The following PRKCE variants were observed in gnomAD, a reference collection of about 807,000 sequenced individuals.
PRKCE encodes protein kinase C epsilon, also known as protein kinase C epsilon type.
Under a neutral mutation model 85.4 loss-of-function variants are expected in PRKCE, and 16 were observed. The observed-to-expected ratio is 0.19, with a 90% CI of 0.13 to 0.28. PRKCE has a LOEUF of 0.28. PRKCE is among the 10% of genes least tolerant of loss of function. The pLI is 1.00. For synonymous variants in PRKCE, 388 were observed against 371.5 expected (o/e 1.04, Z -0.51); for missense variants, 573 against 975.2 (o/e 0.59, Z 5.49).
At chr2:45,803,225 G>A (rs142099767) in intron 1 of PRKCE, among the ~76,000 whole-genome samples, 3 of 152,334 alleles carry the variant, frequency 2.0e-5, no homozygotes, top group African/African-American at 7.2e-5. Context: ...ACAAGATTTG[G>A]TCTATACCTA....
At chr2:45,855,171 G>A (rs1456044517) in intron 2 of PRKCE, among the ~76,000 whole-genome samples, 1 of 152,134 alleles carries the variant, frequency 6.6e-6, no homozygotes, top group Non-Finnish European at 1.5e-5. Flanking sequence ...ATGATCTTTT[G>A]TAAGATCTGG....
At chr2:46,034,649 A>G (rs188533108) in intron 10 of PRKCE, among the ~76,000 whole-genome samples, 13 of 152,312 alleles carry the variant, frequency 8.5e-5, no homozygotes, top group Admixed American at 7.8e-4. Context: ...CGCCGAGGCC[A>G]TGGGCTTAGG....
At chr2:45,918,042 C>T (rs1022040378) in intron 2 of PRKCE, among the ~76,000 whole-genome samples, 4 of 152,242 alleles carry the variant, frequency 2.6e-5, no homozygotes, top group South Asian at 2.1e-4. Flanking sequence ...CCCCGGTTCC[C>T]GCTGGCGCCT....
intron 2 of PRKCE, among the ~76,000 whole-genome samples, chr2:45,923,403 G>C (rs1253825105): frequency 6.6e-6 from 1 of 152,228 alleles, no homozygotes; most frequent in Non-Finnish European, 1.5e-5. Flanking sequence ...AACTGCCTGA[G>C]GCTCACAGGG....
intron 6 of PRKCE, among the ~76,000 whole-genome samples, chr2:45,989,109 C>G (rs954890303): frequency 6.6e-6 from 1 of 152,218 alleles, no homozygotes; most frequent in Non-Finnish European, 1.5e-5. Context: ...CCTGACGGAG[C>G]CTGCAGTTGG....
At chr2:45,909,410 C>CT (rs11386972) in intron 2 of PRKCE, among the ~76,000 whole-genome samples, 38,513 of 152,110 alleles carry the variant, frequency 0.25, 5,839 homozygotes, top group South Asian at 0.37. Flanking sequence ...GCATCATAAT[C>CT]TCCCCCATCC....
intron 1 of PRKCE, among the ~76,000 whole-genome samples, chr2:45,820,304 A>C (rs1340785660): frequency 1.3e-5 from 2 of 152,196 alleles, no homozygotes; most frequent in African/African-American, 2.4e-5. Context: ...AGGGACCAGC[A>C]AGAAGGATAC....
chr2:46,163,538 T>A (rs1343660231), intron 14 of PRKCE, among the ~76,000 whole-genome samples: 179 of 56,382 alleles, frequency 3.2e-3, no homozygotes, highest in Non-Finnish European at 3.7e-3. Flanking sequence ...GCTGAGGCAC[T>A]CCCCACAGAG....
chr2:45,835,834 A>C (rs922772865), intron 1 of PRKCE, among the ~76,000 whole-genome samples: 1 of 152,070 alleles, frequency 6.6e-6, no homozygotes, highest in African/African-American at 2.4e-5. Flanking sequence ...GCTTGAAGCG[A>C]TCCTCCTGCC....
intron 1 of PRKCE, among the ~76,000 whole-genome samples, chr2:45,668,074 C>CT (rs1165654761): frequency 1.3e-5 from 2 of 152,168 alleles, no homozygotes; most frequent in African/African-American, 4.8e-5. Flanking sequence ...GGCACGGTGG[C>CT]TTATGTCTGG....
chr2:45,730,193 G>T (rs986874289), intron 1 of PRKCE, among the ~76,000 whole-genome samples: 6 of 152,114 alleles, frequency 3.9e-5, no homozygotes, highest in Admixed American at 1.3e-4. Context: ...ACAGGGTTCC[G>T]CTCTGTCACC....
chr2:46,038,641 A>G (rs1354090443), intron 10 of PRKCE, among the ~76,000 whole-genome samples: 1 of 146,158 alleles, frequency 6.8e-6, no homozygotes, highest in Non-Finnish European at 1.5e-5. Flanking sequence ...ATTAAGGCAT[A>G]GTAACAACTT....
At chr2:46,154,416 T>C (rs1161821733) in intron 13 of PRKCE, among the ~76,000 whole-genome samples, 1 of 151,208 alleles carries the variant, frequency 6.6e-6, no homozygotes, top group Non-Finnish European at 1.5e-5. Context: ...CTGTTGCACT[T>C]CTCTGCCTTG....
intron 1 of PRKCE, among the ~76,000 whole-genome samples, chr2:45,813,674 C>T (rs1346927440): frequency 1.3e-5 from 2 of 152,138 alleles, no homozygotes; most frequent in African/African-American, 2.4e-5. Context: ...ACTTCAGAGC[C>T]CAGGCCCTGG....
intron 1 of PRKCE, among the ~76,000 whole-genome samples, chr2:45,744,461 C>CTT (rs1274322310): frequency 2.5e-4 from 14 of 56,374 alleles, no homozygotes; most frequent in African/African-American, 9.6e-4. Context: ...TTCTTTCTTT[C>CTT]TTTCTTTCTT....
chr2:46,004,184 C>A lies in PRKCE; in HGVS notation c.967-358C>A. 1 of 299,744 alleles carries A rather than the reference C, an allele frequency of 3.3e-6. No individual in the cohort carries two copies. Among genetic ancestry groups the A allele is most frequent in the Admixed American group, 4.5e-5 (1 of 22,440 alleles). 18.6% of individuals were successfully genotyped at this position (299,744 alleles called of 1,614,324 possible). A position where few individuals can be genotyped will look rare whatever the true frequency, so the allele number is the denominator to read the frequency against. On this transcript the variant is annotated intron_variant, in intron 7 of 14. Transcript: ENST00000306156. The surrounding 1 kb of genome is among the most constrained non-coding windows in gnomAD (Gnocchi z 4.1). ...AAACCTGGACTACTTTTCCAGCTTG[C>A]TAACCTTTATGGTGTCCTCGCACAA...
chr2:46,002,356 C>T (rs1015812577), intron 7 of PRKCE, among the ~76,000 whole-genome samples: 9 of 152,206 alleles, frequency 5.9e-5, no homozygotes, highest in Non-Finnish European at 1.3e-4. Context: ...CGAACATCCT[C>T]AAGCCCCCTG....
At chr2:46,170,306 G>A (rs1678767231) in intron 14 of PRKCE, among the ~76,000 whole-genome samples, 1 of 152,072 alleles carries the variant, frequency 6.6e-6, no homozygotes, top group Admixed American at 6.5e-5. Flanking sequence ...TACTTTTTTT[G>A]TGTCTGCCTT....
intron 1 of PRKCE, among the ~76,000 whole-genome samples, chr2:45,661,459 A>G (rs1279376126): frequency 1.3e-5 from 2 of 150,696 alleles, no homozygotes; most frequent in African/African-American, 2.4e-5. Context: ...CTGGGATTAT[A>G]TAAGAGAAGT....
Sources: allele counts gnomAD v4.1 joint callset (sites outside exome capture counted in the v4.1 genomes callset), GRCh38; gene constraint gnomAD v4.1.1; non-coding constraint Gnocchi (gnomAD v3.1); transcripts MANE v1.5; gene names NCBI Gene and HGNC (gene_info 2026-07-23, HGNC 2026-07-21).